Variants in GRM7 observed in about 807,000 individuals in gnomAD.
The protein encoded by GRM7 is glutamate metabotropic receptor 7, also known as metabotropic glutamate receptor 7.
In GRM7, 35 loss-of-function variants were observed where a neutral mutation model predicts 84.5. The observed-to-expected ratio is 0.41, with a 90% confidence interval of 0.32 to 0.55. GRM7 has a LOEUF of 0.55. Among genes scored for constraint, GRM7 ranks in the 20% least tolerant of loss-of-function variants. The pLI is 0.19. For synonymous variants in GRM7, 487 were observed against 455.1 expected, an observed-to-expected ratio of 1.07 and a Z score of -0.89; for missense variants, 1,003 against 1,194.6, an observed-to-expected ratio of 0.84 and a Z score of 2.36.
intron 8 of GRM7, among the ~76,000 whole-genome samples, chr3:7,651,410 G>C (rs1032653319): frequency 1.3e-5 from 2 of 152,212 alleles, no homozygotes; most frequent in Admixed American, 6.5e-5. Flanking sequence ...GCAGAGATGT[G>C]AGAATAAGAT....
At chr3:7,170,293 A>G (rs554445301) in intron 2 of GRM7, among the ~76,000 whole-genome samples, 55 of 152,314 alleles carry the variant, frequency 3.6e-4, no homozygotes, top group African/African-American at 1.2e-3. Context: ...CGTGGAGGCC[A>G]GTTTTCCAGA....
chr3:7,392,165 C>G (rs896332678), intron 4 of GRM7, among the ~76,000 whole-genome samples: 3 of 152,146 alleles, frequency 2.0e-5, no homozygotes, highest in Non-Finnish European at 4.4e-5. Context: ...CCTCTCAGAC[C>G]TGGTGGGCAC....
At chr3:7,690,537 A>G (rs1700761330) in intron 9 of GRM7, among the ~76,000 whole-genome samples, 1 of 152,208 alleles carries the variant, frequency 6.6e-6, no homozygotes. Flanking sequence ...TTTCAAAAAT[A>G]TGGTGTAGTT....
chr3:7,512,864 C>G (rs1700258405), intron 7 of GRM7, among the ~76,000 whole-genome samples: 1 of 152,100 alleles, frequency 6.6e-6, no homozygotes, highest in African/African-American at 2.4e-5. Flanking sequence ...AGTCTGGACT[C>G]TGATGGTGTC....
At chr3:7,163,138 A>T (rs1237137150) in intron 2 of GRM7, among the ~76,000 whole-genome samples, 6 of 152,078 alleles carry the variant, frequency 3.9e-5, no homozygotes, top group Non-Finnish European at 8.8e-5. Context: ...GCTCTGGACT[A>T]TATCAGACTA....
rs374226434 is a variant in GRM7, at chr3:7,272,174, C to G, written c.737-26510C>G. 2.5e-4 allele frequency among the ~76,000 whole-genome samples: 38 copies of G among 152,236 alleles called. No homozygotes were observed. In the South Asian group the frequency reaches 7.0e-3, roughly 28 times the overall value. ...CCTCTCTCCCTCCGTAACCCCACCC[C>G]TTCTTTATGTCATGTTCTTTGACAT... On this transcript the variant is annotated intron_variant, in intron 2 of 9. Transcript: ENST00000357716.
chr3:7,441,210 G>A (rs546164126), intron 5 of GRM7, among the ~76,000 whole-genome samples: 1 of 152,104 alleles, frequency 6.6e-6, no homozygotes, highest in East Asian at 1.9e-4. Flanking sequence ...TCTAATTATG[G>A]TTTTGATTTA....
chr3:7,112,513 T>A (rs1692893768), intron 1 of GRM7, among the ~76,000 whole-genome samples: 1 of 152,150 alleles, frequency 6.6e-6, no homozygotes, highest in African/African-American at 2.4e-5. Context: ...CATGAGCCAC[T>A]GCACCTGGCC....
chr3:7,429,349 C>T (rs139010225), intron 5 of GRM7, among the ~76,000 whole-genome samples: 121 of 152,226 alleles, frequency 7.9e-4, no homozygotes, highest in Non-Finnish European at 1.2e-3. Flanking sequence ...AGAGTACAAA[C>T]ATTTTTGGAC....
At chr3:7,021,924 C>T (rs914944286) in intron 1 of GRM7, among the ~76,000 whole-genome samples, 3 of 152,068 alleles carry the variant, frequency 2.0e-5, no homozygotes, top group Admixed American at 6.6e-5. Flanking sequence ...TTGCCTAATG[C>T]GTTACTACAC....
At chr3:7,434,899 A>G (rs1280076480) in intron 5 of GRM7, among the ~76,000 whole-genome samples, 1 of 152,146 alleles carries the variant, frequency 6.6e-6, no homozygotes, top group East Asian at 1.9e-4. Context: ...TATTTAGTAG[A>G]ATTCACAAAG....
chr3:7,571,612 G>C (rs953922326), intron 7 of GRM7, among the ~76,000 whole-genome samples: 1 of 152,122 alleles, frequency 6.6e-6, no homozygotes, highest in Non-Finnish European at 1.5e-5. Flanking sequence ...CAAGTCTTTA[G>C]AGAGTTCCAA....
rs1160650838 is a variant in GRM7, at chr3:6,861,477, C to T, written c.89C>T (p.Ala30Val). 2.0e-6 allele frequency: 3 copies of T among 1,516,828 alleles called. No individual in the cohort carries two copies. Among genetic ancestry groups the T allele is most frequent in the East Asian group, 2.5e-5 (1 of 40,132 alleles). 94.0% of individuals were successfully genotyped at this position (1,516,828 alleles called of 1,614,324 possible). The change falls in exon 1 of 10, where the codon GCG becomes GTG. Residue 30 changes from alanine (A) to valine (V), a missense_variant. Coordinates refer to ENST00000357716, the MANE Select transcript of GRM7 (RefSeq NM_000844.4). This position sits in a 1 kb window ranked among gnomAD's most constrained non-coding sequence, Gnocchi z 6.4. Reference protein sequence around the residue: ...VLEVLLCALAAAARGQEMYAP... With the variant: ...VLEVLLCALAVAARGQEMYAP... ...GAGGTGCTCCTGTGCGCGCTGGCGG[C>T]GGCGGCGCGCGGCCAGGAGATGTAC...
chr3:7,121,471 T>C (rs1029178556), intron 1 of GRM7, among the ~76,000 whole-genome samples: 6 of 152,210 alleles, frequency 3.9e-5, no homozygotes, highest in South Asian at 2.1e-4. Context: ...ATTGAAGTTA[T>C]TATGAGTTAT....
At chr3:7,217,203 G>A (rs942891417) in intron 2 of GRM7, among the ~76,000 whole-genome samples, 4 of 152,260 alleles carry the variant, frequency 2.6e-5, no homozygotes, top group Admixed American at 1.3e-4. Context: ...AAGACCTTAC[G>A]GAATTACAAA....
intron 1 of GRM7, among the ~76,000 whole-genome samples, chr3:6,948,682 G>C (rs1698187730): frequency 6.6e-6 from 1 of 152,112 alleles, no homozygotes; most frequent in African/African-American, 2.4e-5. Context: ...ATTATTGTGT[G>C]GGTGTCTAAG....
At chr3:6,947,253 T>C (rs1276357996) in intron 1 of GRM7, among the ~76,000 whole-genome samples, 3 of 152,218 alleles carry the variant, frequency 2.0e-5, no homozygotes, top group African/African-American at 7.2e-5. Context: ...TTGAGAGTTT[T>C]TAGCATGAAG....
At chr3:7,625,277 G>A (rs957542482) in intron 8 of GRM7, among the ~76,000 whole-genome samples, 1 of 152,080 alleles carries the variant, frequency 6.6e-6, no homozygotes. Context: ...TTTCAAAGCA[G>A]TAACAAACAA....
intron 1 of GRM7, among the ~76,000 whole-genome samples, chr3:7,027,597 C>T (rs1467086901): frequency 6.6e-6 from 1 of 151,964 alleles, no homozygotes; most frequent in Non-Finnish European, 1.5e-5. Context: ...TCTGCTGGCT[C>T]TCCACATGTA....
Sources: allele counts gnomAD v4.1 joint callset (sites outside exome capture counted in the v4.1 genomes callset), GRCh38; gene constraint gnomAD v4.1.1; non-coding constraint Gnocchi (gnomAD v3.1); transcripts MANE v1.5; gene names NCBI Gene and HGNC (gene_info 2026-07-23, HGNC 2026-07-21).